Variants in MS4A5 observed in about 807,000 individuals in gnomAD.
The protein encoded by MS4A5 is membrane-spanning 4-domains subfamily A member 5.
MS4A5 carries 15 observed loss-of-function variants against 18.2 expected under a neutral mutation model. The observed-to-expected ratio is 0.83, with a 90% CI of 0.55 to 1.27. The LOEUF (loss-of-function observed/expected upper bound fraction) is 1.27. Among genes scored for constraint, MS4A5 ranks in the 50% most tolerant of loss-of-function variants. MS4A5 has a pLI of 0.00. For missense variants in MS4A5, 232 were observed against 225.7 expected (o/e 1.03, Z -0.18); for synonymous variants, 89 against 78.7 (o/e 1.13, Z -0.69).
intron 4 of MS4A5, among the ~76,000 whole-genome samples, chr11:60,440,350 C>G (rs1309944931): frequency 3.2e-5 from 4 of 126,234 alleles, no homozygotes; most frequent in Non-Finnish European, 6.9e-5. Flanking sequence ...CAATACCATT[C>G]AGGACATAGG....
At chr11:60,433,418 G>C (rs1168345718) in intron 3 of MS4A5, among the ~76,000 whole-genome samples, 2 of 152,184 alleles carry the variant, frequency 1.3e-5, no homozygotes, top group African/African-American at 4.8e-5. Context: ...GCAGCATTCA[G>C]TTAAACTTAG....
chr11:60,430,657 T>C (rs1590829861), intron 1 of MS4A5, 139 bp from the exon 2 acceptor site: 1 of 933,658 alleles, frequency 1.1e-6, no homozygotes, highest in East Asian at 2.5e-5. Context: ...AGGAGCATCA[T>C]AAAGGGACTT....
At chr11:60,430,960 G>A in intron 2 of MS4A5, 36 bp downstream of exon 2, 1 of 1,591,206 alleles carries the variant, frequency 6.3e-7, no homozygotes, top group Non-Finnish European at 8.5e-7. Context: ...TTGAAGCCAT[G>A]CCAACCAGGA....
chr11:60,434,577 G>A (rs2086068643), intron 4 of MS4A5, among the ~76,000 whole-genome samples: 1 of 152,182 alleles, frequency 6.6e-6, no homozygotes, highest in Non-Finnish European at 1.5e-5. Context: ...AAAATAGGGA[G>A]ACTGATTTTG....
chr11:60,433,046 G>A (rs141821920), intron 3 of MS4A5, among the ~76,000 whole-genome samples: 5 of 152,224 alleles, frequency 3.3e-5, no homozygotes, highest in East Asian at 3.9e-4. Context: ...GCTTACAATC[G>A]TTAAATAGCT....
At chr11:60,435,468 C>T (rs1035353724) in intron 4 of MS4A5, 3 of 417,462 alleles carry the variant, frequency 7.2e-6, no homozygotes, top group Non-Finnish European at 1.4e-5. Flanking sequence ...CTACAGCTCC[C>T]AGCGTGAGAG....
At chr11:60,436,174 T>A (rs965126839) in intron 4 of MS4A5, among the ~76,000 whole-genome samples, 19 of 151,500 alleles carry the variant, frequency 1.3e-4, no homozygotes, top group Admixed American at 4.0e-4. Context: ...CACTGACACC[T>A]CACACGGCAG....
chr11:60,438,764 A>G (rs2086094807), intron 4 of MS4A5, among the ~76,000 whole-genome samples: 1 of 148,878 alleles, frequency 6.7e-6, no homozygotes, highest in African/African-American at 2.5e-5. Flanking sequence ...ACAGGAGCTG[A>G]AATTGTGGCA....
intron 4 of MS4A5, among the ~76,000 whole-genome samples, chr11:60,443,750 A>G (rs1344562004): frequency 1.3e-5 from 2 of 152,104 alleles, no homozygotes; most frequent in Non-Finnish European, 2.9e-5. Flanking sequence ...AAAAAGAAAA[A>G]AGAGAAAACA....
intron 4 of MS4A5, among the ~76,000 whole-genome samples, chr11:60,435,056 T>G (rs2135173004): frequency 6.6e-6 from 1 of 152,318 alleles, no homozygotes; most frequent in Admixed American, 6.5e-5. Context: ...ACAAACCCCT[T>G]GACAACCTCC....
At chr11:60,447,536 A>G in intron 4 of MS4A5, 113 bp from the exon 5 acceptor site, 1 of 619,224 alleles carries the variant, frequency 1.6e-6, no homozygotes, top group Non-Finnish European at 2.8e-6. Context: ...TACACTTGAG[A>G]TATTTGGGGA....
At chr11:60,444,483 C>T (rs1255862460) in intron 4 of MS4A5, among the ~76,000 whole-genome samples, 1 of 152,048 alleles carries the variant, frequency 6.6e-6, no homozygotes, top group African/African-American at 2.4e-5. Flanking sequence ...ACTACCAAAG[C>T]ACAGAAAGGG....
intron 3 of MS4A5, 53 bp from the exon 4 acceptor site, chr11:60,433,712 T>G: frequency 1.9e-6 from 3 of 1,560,654 alleles, no homozygotes; most frequent in Non-Finnish European, 2.6e-6. Flanking sequence ...ATTGCTTTGT[T>G]TGTAGTACAG....
chr11:60,435,193 T>G (rs2086071920), intron 4 of MS4A5, among the ~76,000 whole-genome samples: 1 of 152,084 alleles, frequency 6.6e-6, no homozygotes, highest in East Asian at 1.9e-4. Flanking sequence ...GAAGTCTATC[T>G]AGGAGAAAAA....
intron 4 of MS4A5, chr11:60,435,651 A>G (rs1224424298): frequency 4.2e-6 from 1 of 235,366 alleles, no homozygotes; most frequent in South Asian, 4.5e-5. Context: ...TCCCTTTCTG[A>G]GTCAAAGAAA....
chr11:60,429,602 C>A lies in MS4A5; in HGVS notation c.-73C>A. 1 of 1,441,854 alleles carries A rather than the reference C, an allele frequency of 6.9e-7. No homozygotes were observed. The highest frequency in any genetic ancestry group is 9.3e-7 in the Non-Finnish European group (1 of 1,070,056). The allele number at this position is 1,441,854 out of a possible 1,614,324, so 89.3% of individuals were successfully genotyped here. ...ATTCCAGTGCTCCAGGCAGCCTCAG[C>A]ACAAGAAAAGAACATGGTCTAGACT... is the stretch of plus-strand genomic sequence containing the variant. On this transcript the variant is annotated 5_prime_UTR_variant, in exon 1 of 5. Transcript: ENST00000300190.
chr11:60,439,440 G>T (rs2086098724), intron 4 of MS4A5, among the ~76,000 whole-genome samples: 1 of 86,386 alleles, frequency 1.2e-5, no homozygotes, highest in African/African-American at 4.6e-5. Flanking sequence ...TTAGGCAGGA[G>T]AAGGACATAA....
At chr11:60,445,918 T>C (rs768631901) in intron 4 of MS4A5, among the ~76,000 whole-genome samples, 2 of 152,194 alleles carry the variant, frequency 1.3e-5, no homozygotes, top group Non-Finnish European at 2.9e-5. Context: ...GGACTAGAAG[T>C]GTGCAATGTC....
intron 4 of MS4A5, among the ~76,000 whole-genome samples, chr11:60,441,735 T>C (rs2086113846): frequency 6.7e-6 from 1 of 150,180 alleles, no homozygotes; most frequent in African/African-American, 2.4e-5. Flanking sequence ...CCCATAAAAA[T>C]AGAAAATTAA....
Sources: allele counts gnomAD v4.1 joint callset (sites outside exome capture counted in the v4.1 genomes callset), GRCh38; gene constraint gnomAD v4.1.1; transcripts MANE v1.5; gene names NCBI Gene and HGNC (gene_info 2026-07-23, HGNC 2026-07-21).